Variants in ADAMDEC1 observed in about 807,000 individuals in gnomAD.
ADAMDEC1 encodes the protein ADAM DEC1.
Under a neutral mutation model 60.4 loss-of-function variants are expected in ADAMDEC1, and 62 were observed. The ratio of observed to expected loss-of-function variants is 1.03; its 90% confidence interval spans 0.84 to 1.27. The LOEUF (loss-of-function observed/expected upper bound fraction) is 1.27, where lower values mean the gene tolerates loss of function less well. Ranked by LOEUF, ADAMDEC1 falls within the 50% of genes most tolerant of loss-of-function variation. ADAMDEC1 has a pLI of 0.00. For synonymous variants in ADAMDEC1, 210 were observed against 195.1 expected, an observed-to-expected ratio of 1.08 and a Z score of -0.64; for missense variants, 595 against 565.0, an observed-to-expected ratio of 1.05 and a Z score of -0.54.
At chr8:24,394,021 C>T (rs774433174) in intron 3 of ADAMDEC1, 48 bp from the exon 4 acceptor site, 17 of 1,302,428 alleles carry the variant, frequency 1.3e-5, no homozygotes, top group Non-Finnish European at 1.9e-5. Context: ...GGAAGTTCTG[C>T]CTTTCTTACC....
At chr8:24,385,074 T>C (rs1817259260) in intron 1 of ADAMDEC1, among the ~76,000 whole-genome samples, 2 of 152,126 alleles carry the variant, frequency 1.3e-5, no homozygotes, top group African/African-American at 4.8e-5. Flanking sequence ...GGAACCCTTT[T>C]TGTCTTTGAG....
intron 1 of ADAMDEC1, among the ~76,000 whole-genome samples, chr8:24,385,769 C>A (rs1171453040): frequency 6.6e-6 from 1 of 152,214 alleles, no homozygotes; most frequent in East Asian, 1.9e-4. Context: ...AGGGCTAAAT[C>A]ATATATAACT....
At chr8:24,404,360 G>T (rs953674125) in intron 13 of ADAMDEC1, among the ~76,000 whole-genome samples, 1 of 152,114 alleles carries the variant, frequency 6.6e-6, no homozygotes, top group Non-Finnish European at 1.5e-5. Context: ...GTTAGAGAAC[G>T]ATGAGTTTAA....
At position 24,398,818 on chromosome 8, in the gene ADAMDEC1, C is replaced by T. The variant is rs150165197; in HGVS notation, c.763-56C>T. 767 of 1,558,438 alleles carry T rather than the reference C, an allele frequency of 4.9e-4. 5 individuals are homozygous for T. In the African/African-American group the frequency reaches 9.4e-3, roughly 19 times the overall value. On this transcript the variant is annotated intron_variant, in intron 8 of 13. Transcript: ENST00000256412. ...CTATTACTTGTGGTCAACAAAAGCT[C>T]TCAGACACGAAAGGAATCCTGAACA...
At chr8:24,391,473 C>G (rs1407430381) in intron 1 of ADAMDEC1, among the ~76,000 whole-genome samples, 1 of 152,128 alleles carries the variant, frequency 6.6e-6, no homozygotes, top group African/African-American at 2.4e-5. Flanking sequence ...GGTTATTTAG[C>G]TAGGGCATAA....
rs557165964 is a variant in ADAMDEC1 at position 24,389,220 on chromosome 8, C to G, written c.89-3042C>G. ...CAGATGCCTAGTAGACATCTCAAAACAATATACCCAGAACCTTTCCCACAT... is the reference window on the plus strand; with the variant it reads ...CAGATGCCTAGTAGACATCTCAAAAGAATATACCCAGAACCTTTCCCACAT... On this transcript the variant is annotated intron_variant, in intron 1 of 13. Coordinates refer to ENST00000256412, the MANE Select transcript of ADAMDEC1 (RefSeq NM_014479.3). Among the ~76,000 whole-genome samples, 3 of 152,234 alleles carry G rather than the reference C, an allele frequency of 2.0e-5. No homozygotes were observed. The South Asian group carries it at 6.2e-4, about 32-fold the overall frequency.
At chr8:24,400,760 G>T (rs1393248470) in intron 11 of ADAMDEC1, among the ~76,000 whole-genome samples, 2 of 150,660 alleles carry the variant, frequency 1.3e-5, no homozygotes, top group East Asian at 2.0e-4. Context: ...TTAGCATTAG[G>T]TATATCTCCT....
At chr8:24,397,647 A>G (rs1817649795) in intron 6 of ADAMDEC1, 36 bp from the exon 7 acceptor site, 2 of 1,586,078 alleles carry the variant, frequency 1.3e-6, no homozygotes, top group Non-Finnish European at 8.6e-7. Flanking sequence ...TAGGATAAAG[A>G]TAATGATTAA....
At chr8:24,392,166 G>A (rs1817461265) in intron 1 of ADAMDEC1, 96 bp from the exon 2 acceptor site, 4 of 821,438 alleles carry the variant, frequency 4.9e-6, no homozygotes, top group Non-Finnish European at 7.8e-6. Flanking sequence ...AGTCTTCACT[G>A]CTCTTTCAGC....
rs1211218975 is a variant in ADAMDEC1, at chr8:24,398,769, A to T, written c.763-105A>T. ...ATTTTTACTTTCAAAATGGAAATTC[A>T]TTACTTGTAGTCCATCACTTTATCT... On this transcript the variant is annotated intron_variant, in intron 8 of 13. Transcript: ENST00000256412. 5 of 1,248,014 alleles carry T rather than the reference A, an allele frequency of 4.0e-6. No individual in the cohort carries two copies. The East Asian group carries it at 1.2e-4, about 30-fold the overall frequency. 77.3% of individuals were successfully genotyped at this position (1,248,014 alleles called of 1,614,324 possible). A position where few individuals can be genotyped will look rare whatever the true frequency, so the allele number is the denominator to read the frequency against.
chr8:24,384,359 G>C lies in ADAMDEC1; in HGVS notation c.-146G>C, dbSNP rs1817238282. 2 of 620,926 alleles carry C rather than the reference G, an allele frequency of 3.2e-6. No individual in the cohort carries two copies. The highest frequency in any genetic ancestry group is 1.9e-5 in the African/African-American group (1 of 53,002). The allele number at this position is 620,926 out of a possible 1,614,324, so 38.5% of individuals were successfully genotyped here. A position where few individuals can be genotyped will look rare whatever the true frequency, so the allele number is the denominator to read the frequency against. ...AGATGAGGAACATTCTCATGATGTT[G>C]ACACTGCAATTTTTTGACAATTTCC... On this transcript the variant is annotated 5_prime_UTR_variant, in exon 1 of 14. Transcript: ENST00000256412.
At chr8:24,392,511 C>T in intron 2 of ADAMDEC1, 131 bp downstream of exon 2, 2 of 611,942 alleles carry the variant, frequency 3.3e-6, no homozygotes, top group Non-Finnish European at 5.5e-6. Flanking sequence ...TATACAACTC[C>T]CCTTTGTTCA....
chr8:24,384,704 A>G (rs1817250115), intron 1 of ADAMDEC1, 112 bp downstream of exon 1: 2 of 978,290 alleles, frequency 2.0e-6, no homozygotes, highest in South Asian at 3.6e-5. Context: ...GACCATTACC[A>G]TTTGCATTTT....
chr8:24,391,007 G>A (rs1817432647), intron 1 of ADAMDEC1, among the ~76,000 whole-genome samples: 1 of 152,018 alleles, frequency 6.6e-6, no homozygotes, highest in Non-Finnish European at 1.5e-5. Context: ...CCAAGCGCAT[G>A]GCTTTTTCCA....
chr8:24,396,653 A>C (rs569421294), intron 5 of ADAMDEC1, among the ~76,000 whole-genome samples: 1 of 152,250 alleles, frequency 6.6e-6, no homozygotes, highest in Non-Finnish European at 1.5e-5. Context: ...GAAATAAAAA[A>C]AAAACCACAT....
At position 24,394,216 on chromosome 8, in the gene ADAMDEC1, A is replaced by G. The variant is rs1181440386; in HGVS notation, c.363+69A>G. 2.6e-6 allele frequency: 3 copies of G among 1,175,322 alleles called. No individual in the cohort carries two copies. The East Asian group carries it at 7.3e-5, about 28-fold the overall frequency. 72.8% of individuals were successfully genotyped at this position (1,175,322 alleles called of 1,614,324 possible). A position where few individuals can be genotyped will look rare whatever the true frequency, so the allele number is the denominator to read the frequency against. ...TTATTAGTTTGTGCTAATGTTAACT[A>G]AGATCTCCAAAGGGCTCAATTATTT... On this transcript the variant is annotated intron_variant, in intron 4 of 13. Coordinates refer to ENST00000256412, the MANE Select transcript of ADAMDEC1 (RefSeq NM_014479.3).
chr8:24,398,058 T>C (rs1817662331), intron 7 of ADAMDEC1, among the ~76,000 whole-genome samples: 1 of 150,068 alleles, frequency 6.7e-6, no homozygotes, highest in South Asian at 2.1e-4. Context: ...AAATTAAATA[T>C]ATTTAATATA....
intron 10 of ADAMDEC1, among the ~76,000 whole-genome samples, chr8:24,399,778 C>G (rs545840367): frequency 6.6e-6 from 1 of 152,216 alleles, no homozygotes; most frequent in South Asian, 2.1e-4. Context: ...TAGTCATCCC[C>G]AGTATCTATG....
chr8:24,401,853 G>T, intron 11 of ADAMDEC1, 62 bp from the exon 12 acceptor site: 2 of 1,283,604 alleles, frequency 1.6e-6, no homozygotes, highest in Non-Finnish European at 2.1e-6. Flanking sequence ...TCTTTATTCT[G>T]TGTTTCACGC....
Sources: allele counts gnomAD v4.1 joint callset (sites outside exome capture counted in the v4.1 genomes callset), GRCh38; gene constraint gnomAD v4.1.1; transcripts MANE v1.5; gene names NCBI Gene and HGNC (gene_info 2026-07-23, HGNC 2026-07-21).